The following HEXB variants were observed in gnomAD, a reference collection of about 807,000 sequenced individuals.
The protein encoded by HEXB is beta-hexosaminidase subunit beta.
Under a neutral mutation model 71.2 loss-of-function variants are expected in HEXB, and 51 were observed. The observed-to-expected ratio is 0.72, with a 90% CI of 0.57 to 0.90. The LOEUF is 0.90. HEXB is among the 40% of genes least tolerant of loss of function. The pLI is 0.00. For missense variants in HEXB, 617 were observed against 677.0 expected, an observed-to-expected ratio of 0.91 and a Z score of 0.98; for synonymous variants, 266 against 249.3, an observed-to-expected ratio of 1.07 and a Z score of -0.63.
At chr5:74,687,980 C>G (rs1748910573) in intron 1 of HEXB, among the ~76,000 whole-genome samples, 1 of 152,124 alleles carries the variant, frequency 6.6e-6, no homozygotes, top group Non-Finnish European at 1.5e-5. Context: ...AACAGTTGCC[C>G]TGAAGCCTAT....
chr5:74,670,186 GT>G (rs984853499), intron 1 of HEXB, among the ~76,000 whole-genome samples: 1 of 150,160 alleles, frequency 6.7e-6, no homozygotes, highest in South Asian at 2.1e-4. Flanking sequence ...TCCCTAACTG[GT>G]TTTTTTTGTA....
At chr5:74,709,687 A>G (rs1331958931) in intron 6 of HEXB, among the ~76,000 whole-genome samples, 3 of 152,378 alleles carry the variant, frequency 2.0e-5, no homozygotes, top group African/African-American at 7.2e-5. Context: ...TAGAAAATCT[A>G]GAAGAAATGG....
chr5:74,708,747 C>G (rs1580391770), intron 6 of HEXB, among the ~76,000 whole-genome samples: 2 of 150,714 alleles, frequency 1.3e-5, no homozygotes, highest in Non-Finnish European at 1.5e-5. Context: ...GCTAACTATC[C>G]TAAATATATA....
chr5:74,705,166 T>C lies in HEXB; in HGVS notation c.670-53T>C, dbSNP rs561240683. ...CAATTCCAAATGTAGATAGGTAATA[T>C]GGATTGTATATGATATCTGCAGTAA... On this transcript the variant is annotated intron_variant, in intron 5 of 13. Coordinates refer to ENST00000261416, the MANE Select transcript of HEXB (RefSeq NM_000521.4). 2.4e-4 allele frequency: 239 copies of C among 983,216 alleles called. 2 individuals are homozygous for C. In the African/African-American group the frequency reaches 3.4e-3, roughly 14 times the overall value. The allele number at this position is 983,216 out of a possible 1,614,324, so 60.9% of individuals were successfully genotyped here.
Position 74,679,529 on chromosome 5 carries a change from G to A in HEXB, c.-376-9799G>A, listed in dbSNP as rs150248153. ...AAAGGGAGGACTGTTGGCCAGGCGC[G>A]GTGGCTCATGCCTATAATTCCAGCA... On this transcript the variant is annotated intron_variant, in intron 1 of 13. Transcript: ENST00000511181. 8.5e-3 allele frequency among the ~76,000 whole-genome samples: 1,298 copies of A among 152,168 alleles called. 26 individuals carry two copies. Among genetic ancestry groups the A allele is most frequent in the African/African-American group, 0.029 (1,215 of 41,526 alleles).
intron 1 of HEXB, among the ~76,000 whole-genome samples, chr5:74,648,529 A>T (rs1464298374): frequency 6.6e-6 from 1 of 151,134 alleles, no homozygotes; most frequent in East Asian, 1.9e-4. Context: ...GCTTTACCCC[A>T]CAGTTATATT....
upstream of HEXB, among the ~76,000 whole-genome samples, chr5:74,682,869 C>T (rs1419219379): frequency 6.6e-6 from 1 of 152,092 alleles, no homozygotes; most frequent in Non-Finnish European, 1.5e-5. Flanking sequence ...ACTCTTATAA[C>T]AAAAGAGCAG....
At chr5:74,675,936 A>C (rs1279176080) in intron 1 of HEXB, among the ~76,000 whole-genome samples, 5 of 152,228 alleles carry the variant, frequency 3.3e-5, no homozygotes, top group Non-Finnish European at 1.5e-5. Flanking sequence ...AGCAACAAAA[A>C]GAATGAAGCA....
chr5:74,675,625 G>A (rs971760633), intron 1 of HEXB, among the ~76,000 whole-genome samples: 16 of 152,166 alleles, frequency 1.1e-4, no homozygotes, highest in African/African-American at 3.9e-4. Flanking sequence ...GGTCAGAGAG[G>A]TGGTCAGATG....
At chr5:74,704,285 C>G (rs1291055088) in intron 5 of HEXB, among the ~76,000 whole-genome samples, 1 of 152,230 alleles carries the variant, frequency 6.6e-6, no homozygotes, top group Non-Finnish European at 1.5e-5. Flanking sequence ...GATGTCCTAA[C>G]TCCATCAGCC....
rs186833344 is a variant in HEXB, at chr5:74,642,031, T to G, written c.-377+1473T>G. ...CGCCTCCCAGCTTGCTTTAAAACAC[T>G]AGGCGCAGGAGCGATTTAAACTGGC... is the stretch of plus-strand genomic sequence containing the variant. On this transcript the variant is annotated intron_variant, in intron 1 of 13. Transcript: ENST00000511181. 2.4e-3 allele frequency among the ~76,000 whole-genome samples: 365 copies of G among 152,256 alleles called. 3 individuals carry two copies. The highest frequency in any genetic ancestry group is 7.7e-3 in the African/African-American group (318 of 41,558).
At chr5:74,706,473 C>A (rs529837013) in intron 6 of HEXB, among the ~76,000 whole-genome samples, 2 of 152,280 alleles carry the variant, frequency 1.3e-5, no homozygotes. Flanking sequence ...GCATCATGCG[C>A]GAGCCGAAGC....
chr5:74,676,909 C>T (rs820863), intron 1 of HEXB, among the ~76,000 whole-genome samples: 68,081 of 151,774 alleles, frequency 0.45, 16,671 homozygotes, highest in Non-Finnish European at 0.56. Flanking sequence ...TTGTTTGAGA[C>T]GGAGTCTCAC....
chr5:74,695,200 G>A (rs1204146814), intron 3 of HEXB, among the ~76,000 whole-genome samples: 3 of 141,584 alleles, frequency 2.1e-5, no homozygotes, highest in East Asian at 2.1e-4. Context: ...GAGAAGAGAC[G>A]CTTTTTTTTT....
At chr5:74,656,028 A>G (rs1748211667) in intron 1 of HEXB, among the ~76,000 whole-genome samples, 1 of 152,228 alleles carries the variant, frequency 6.6e-6, no homozygotes, top group Non-Finnish European at 1.5e-5. Context: ...TAGTTCATCA[A>G]TCATTTCATG....
At chr5:74,684,674 CTT>C (rs1191674612), upstream of HEXB, among the ~76,000 whole-genome samples, 5 of 133,888 alleles carry the variant, frequency 3.7e-5, 1 homozygote, top group Non-Finnish European at 6.3e-5. Flanking sequence ...TTTTTCTTTT[CTT>C]TTTTTTTTTT....
intron 1 of HEXB, among the ~76,000 whole-genome samples, chr5:74,686,759 CAA>C (rs1238486461): frequency 6.6e-6 from 1 of 152,188 alleles, no homozygotes; most frequent in Non-Finnish European, 1.5e-5. Context: ...GATGTAGAAC[CAA>C]AGTGTTTGGT....
chr5:74,720,372 T>C (rs1345466318), intron 11 of HEXB, 56 bp from the exon 12 acceptor site: 6 of 1,221,016 alleles, frequency 4.9e-6, no homozygotes, highest in East Asian at 2.3e-5. Flanking sequence ...TGATGAAATA[T>C]TGCCTCTGTG....
chr5:74,685,918 G>A (rs1580377713), intron 1 of HEXB, among the ~76,000 whole-genome samples: 1 of 152,066 alleles, frequency 6.6e-6, no homozygotes, highest in East Asian at 1.9e-4. Context: ...TAAGTTACCC[G>A]AAGGGCTTAG....
Sources: gnomAD v4.1 joint callset for allele counts (sites outside exome capture counted in the v4.1 genomes callset) on GRCh38, gnomAD v4.1.1 for gene constraint, MANE v1.5 for transcripts, NCBI Gene and HGNC (gene_info 2026-07-23, HGNC 2026-07-21) for gene names.